CSMD2: variants seen among roughly 807,000 people sequenced by gnomAD.
CSMD2 encodes CUB and Sushi multiple domains 2, also known as CUB and sushi domain-containing protein 2.
A neutral mutation model predicts 398.5 loss-of-function variants in CSMD2; 130 were observed. The ratio of observed to expected loss-of-function variants is 0.33; its 90% CI spans 0.28 to 0.38. The LOEUF is 0.38. Ranked by LOEUF, CSMD2 falls within the 10% of genes least tolerant of loss-of-function variation. CSMD2 has a pLI of 1.00. For missense variants in CSMD2, 3,829 were observed against 4,764.9 expected (o/e 0.80, Z 5.78); for synonymous variants, 1,828 against 1,908.5 (o/e 0.96, Z 1.10).
intron 5 of CSMD2, among the ~76,000 whole-genome samples, chr1:33,861,872 C>T (rs1208149687): frequency 3.3e-5 from 5 of 152,162 alleles, no homozygotes; most frequent in Non-Finnish European, 5.9e-5. Flanking sequence ...GGACACAGAA[C>T]CAGCTCCAAG....
intron 3 of CSMD2, among the ~76,000 whole-genome samples, chr1:33,960,086 C>T (rs1174046239): frequency 6.6e-6 from 1 of 152,162 alleles, no homozygotes; most frequent in Non-Finnish European, 1.5e-5. Context: ...CAGTGAGGAC[C>T]CTACCCTGCT....
chr1:33,616,862 G>A (rs1412096126), intron 39 of CSMD2, 44 bp downstream of exon 39: 2 of 1,506,652 alleles, frequency 1.3e-6, no homozygotes, highest in African/African-American at 2.7e-5. Flanking sequence ...AGATCCCTGA[G>A]AGAAAATTGG....
chr1:33,942,592 A>G (rs745844745), intron 3 of CSMD2, among the ~76,000 whole-genome samples: 16 of 152,246 alleles, frequency 1.1e-4, no homozygotes, highest in Non-Finnish European at 2.4e-4. Context: ...AACCTTCAGC[A>G]TCATGGTTAT....
At chr1:34,160,100 G>C (rs1641192847) in intron 1 of CSMD2, among the ~76,000 whole-genome samples, 2 of 152,180 alleles carry the variant, frequency 1.3e-5, no homozygotes, top group Non-Finnish European at 2.9e-5. Context: ...ATGAATGAGG[G>C]TGAAGGGGGT....
chr1:33,982,093 A>G (rs12073640), intron 3 of CSMD2, among the ~76,000 whole-genome samples: 45,282 of 151,862 alleles, frequency 0.3, 7,113 homozygotes, highest in Non-Finnish European at 0.34. Flanking sequence ...AGTGGGTGAC[A>G]GGACGGTGAA....
At chr1:34,056,644 G>C (rs1260694259) in intron 2 of CSMD2, among the ~76,000 whole-genome samples, 2 of 152,166 alleles carry the variant, frequency 1.3e-5, no homozygotes, top group African/African-American at 4.8e-5. Flanking sequence ...AAAATGTTTT[G>C]AATGGTACTT....
At chr1:33,535,450 T>C (rs893746386) in intron 62 of CSMD2, among the ~76,000 whole-genome samples, 3 of 152,240 alleles carry the variant, frequency 2.0e-5, no homozygotes, top group African/African-American at 7.2e-5. Context: ...TGTCACTTGA[T>C]AGTATGTTTC....
intron 3 of CSMD2, among the ~76,000 whole-genome samples, chr1:33,980,937 C>T (rs755433393): frequency 6.6e-6 from 1 of 152,088 alleles, no homozygotes; most frequent in Non-Finnish European, 1.5e-5. Flanking sequence ...TGGGAGGATA[C>T]AAGCCTATCT....
chr1:33,575,446 G>T (rs765772918), intron 49 of CSMD2, among the ~76,000 whole-genome samples: 3 of 152,176 alleles, frequency 2.0e-5, no homozygotes, highest in African/African-American at 4.8e-5. Context: ...GAGGGAGGAA[G>T]TGAAGACAGC....
At chr1:33,690,607 T>C (rs1420662037) in intron 25 of CSMD2, among the ~76,000 whole-genome samples, 1 of 152,180 alleles carries the variant, frequency 6.6e-6, no homozygotes, top group Non-Finnish European at 1.5e-5. Context: ...GTGAAGAAAG[T>C]GGGAAAACCT....
At position 34,063,135 on chromosome 1, in the gene CSMD2, A is replaced by G. The variant is rs576267074; in HGVS notation, c.404+25842T>C. Among the ~76,000 whole-genome samples the G allele has an allele frequency of 4.3e-4, 66 of 152,282 alleles. 2 individuals carry two copies. The South Asian group carries it at 0.013, about 30-fold the overall frequency. ...CCTCCCACCTGATCCTTCCCACAGC[A>G]TGTAGGAATTATGGGAGTACAATTC... On this transcript the variant is annotated intron_variant, in intron 2 of 70. Coordinates refer to ENST00000373381, the MANE Select transcript of CSMD2 (RefSeq NM_001281956.2).
chr1:33,686,442 A>G (rs1242522794), intron 25 of CSMD2, among the ~76,000 whole-genome samples: 3 of 152,184 alleles, frequency 2.0e-5, no homozygotes, highest in Non-Finnish European at 4.4e-5. Context: ...CATTCTTGGC[A>G]CTTAGGAAGA....
At chr1:34,078,107 G>A (rs1246933307) in intron 2 of CSMD2, among the ~76,000 whole-genome samples, 1 of 151,734 alleles carries the variant, frequency 6.6e-6, no homozygotes, top group Non-Finnish European at 1.5e-5. Flanking sequence ...GTAGTAGCTG[G>A]GACTACAGGT....
intron 3 of CSMD2, among the ~76,000 whole-genome samples, chr1:33,990,455 TGA>T (rs1646511991): frequency 6.6e-6 from 1 of 152,154 alleles, no homozygotes; most frequent in South Asian, 2.1e-4. Flanking sequence ...TTTAAGGTGA[TGA>T]GAGTGTTGCA....
intron 13 of CSMD2, among the ~76,000 whole-genome samples, chr1:33,748,051 T>C (rs1300664944): frequency 6.6e-6 from 1 of 152,214 alleles, no homozygotes; most frequent in Non-Finnish European, 1.5e-5. Flanking sequence ...TTTCTTATTA[T>C]ACCTGGAAGG....
intron 1 of CSMD2, among the ~76,000 whole-genome samples, chr1:34,101,776 T>A (rs956654148): frequency 6.6e-6 from 1 of 152,164 alleles, no homozygotes; most frequent in Non-Finnish European, 1.5e-5. Flanking sequence ...AATATATTAA[T>A]CCTTTATGCA....
At chr1:33,649,393 C>T (rs1307818331) in intron 28 of CSMD2, among the ~76,000 whole-genome samples, 2 of 152,194 alleles carry the variant, frequency 1.3e-5, no homozygotes, top group Non-Finnish European at 2.9e-5. Flanking sequence ...TCTGTAATCT[C>T]AGCACTTTGG....
intron 6 of CSMD2, among the ~76,000 whole-genome samples, chr1:33,827,883 G>A (rs1659009565): frequency 6.6e-6 from 1 of 152,182 alleles, no homozygotes; most frequent in African/African-American, 2.4e-5. Flanking sequence ...CAGGGAAACT[G>A]TAAACCTTCT....
chr1:33,635,773 T>A lies in CSMD2; in HGVS notation c.4970-443A>T, dbSNP rs926276413. ...AACCCCATGGGGAGTGGCCAGCCCATGTGACCCAGCCACCTTCTGTTCCTC... is the reference window on the plus strand; with the variant it reads ...AACCCCATGGGGAGTGGCCAGCCCAAGTGACCCAGCCACCTTCTGTTCCTC... On this transcript the variant is annotated intron_variant, in intron 30 of 70. Transcript: ENST00000373381. This position sits in a 1 kb window ranked among gnomAD's most constrained non-coding sequence, Gnocchi z 5.0. Among the ~76,000 whole-genome samples the A allele has an allele frequency of 6.6e-6, 1 of 152,124 alleles. No individual in the cohort carries two copies. Among genetic ancestry groups the A allele is most frequent in the African/African-American group, 2.4e-5 (1 of 41,428 alleles).
Sources: gnomAD v4.1 joint callset for allele counts (sites outside exome capture counted in the v4.1 genomes callset) on GRCh38, gnomAD v4.1.1 for gene constraint, Gnocchi (gnomAD v3.1) non-coding constraint, MANE v1.5 for transcripts, NCBI Gene and HGNC (gene_info 2026-07-23, HGNC 2026-07-21) for gene names.